Variants in WLS observed in about 807,000 individuals in gnomAD.
WLS encodes Wnt ligand secretion mediator, also known as protein wntless homolog.
Under a neutral mutation model 62.8 loss-of-function variants are expected in WLS, and 23 were observed. The ratio of observed to expected loss-of-function variants is 0.37; its 90% confidence interval spans 0.26 to 0.52. The LOEUF (loss-of-function observed/expected upper bound fraction) is 0.52, where lower values mean the gene tolerates loss of function less well. WLS is among the 20% of genes least tolerant of loss of function. WLS has a pLI of 0.92. For missense variants in WLS, 615 were observed against 697.3 expected (o/e 0.88, Z 1.33); for synonymous variants, 246 against 244.1 (o/e 1.01, Z -0.07).
intron 11 of WLS, among the ~76,000 whole-genome samples, chr1:68,106,730 G>A (rs900006030): frequency 4.8e-4 from 35 of 72,890 alleles, no homozygotes; most frequent in African/African-American, 1.3e-3. Context: ...GTGTGTGTGT[G>A]TGTGTGTGTG....
At chr1:68,151,410 T>C (rs1449609651) in intron 5 of WLS, among the ~76,000 whole-genome samples, 1 of 151,926 alleles carries the variant, frequency 6.6e-6, no homozygotes, top group Non-Finnish European at 1.5e-5. Context: ...CAATAAAAAG[T>C]TTAAACAATG....
intron 2 of WLS, among the ~76,000 whole-genome samples, chr1:68,193,118 AAG>A (rs1482901587): frequency 2.0e-5 from 3 of 151,700 alleles, no homozygotes; most frequent in Non-Finnish European, 2.9e-5. Context: ...TCAAAAAAAA[AAG>A]AAAAGAAAAG....
intron 1 of WLS, among the ~76,000 whole-genome samples, chr1:68,219,047 G>A (rs1649845117): frequency 6.6e-6 from 1 of 152,176 alleles, no homozygotes; most frequent in South Asian, 2.1e-4. Flanking sequence ...TCACGGAACA[G>A]AAGAAACACA....
chr1:68,226,464 A>G (rs1336368841), intron 1 of WLS, among the ~76,000 whole-genome samples: 1 of 152,340 alleles, frequency 6.6e-6, no homozygotes, highest in East Asian at 1.9e-4. Context: ...CATGTTAAAC[A>G]TTTTATCATT....
At chr1:68,218,753 T>A (rs1251744588) in intron 1 of WLS, among the ~76,000 whole-genome samples, 1 of 152,190 alleles carries the variant, frequency 6.6e-6, no homozygotes, top group African/African-American at 2.4e-5. Context: ...CCTGGAGGAA[T>A]CCTGAAGGAA....
Position 68,126,152 on chromosome 1 carries a change from C to G in WLS, c.*74G>C. 3 of 1,581,196 alleles carry G rather than the reference C, an allele frequency of 1.9e-6. No individual in the cohort carries two copies. Among genetic ancestry groups the G allele is most frequent in the Admixed American group, 1.8e-5 (1 of 55,548 alleles). On this transcript the variant is annotated 3_prime_UTR_variant, in exon 12 of 12. Transcript: ENST00000262348. ...GGCATTCATTTGTACATTGAGCTCT[C>G]TCTGGCATGCTCCCCACTCTAGTTA...
intron 10 of WLS, among the ~76,000 whole-genome samples, chr1:68,143,358 A>T (rs1646712080): frequency 6.6e-6 from 1 of 152,232 alleles, no homozygotes; most frequent in Admixed American, 6.5e-5. Flanking sequence ...GTCCTTTGGC[A>T]AGAAAGACAT....
intron 11 of WLS, among the ~76,000 whole-genome samples, chr1:68,132,145 G>A (rs1646535970): frequency 6.6e-6 from 1 of 152,170 alleles, no homozygotes; most frequent in East Asian, 1.9e-4. Context: ...TTAATTGACT[G>A]GGCCAGGAAA....
At chr1:68,155,967 T>C (rs1570907874) in intron 3 of WLS, among the ~76,000 whole-genome samples, 1 of 152,268 alleles carries the variant, frequency 6.6e-6, no homozygotes, top group South Asian at 2.1e-4. Flanking sequence ...AATAAGAATT[T>C]AGCCCAGTGT....
At chr1:68,111,842 CAGA>C (rs1270333084) in intron 11 of WLS, among the ~76,000 whole-genome samples, 4 of 152,166 alleles carry the variant, frequency 2.6e-5, no homozygotes, top group Non-Finnish European at 5.9e-5. Flanking sequence ...CCCTCCTTGC[CAGA>C]AGAAGATTTA....
intron 6 of WLS, among the ~76,000 whole-genome samples, chr1:68,148,940 C>T (rs1024679255): frequency 6.6e-6 from 1 of 152,168 alleles, no homozygotes; most frequent in Non-Finnish European, 1.5e-5. Context: ...AAGGCCTCGG[C>T]TCCCAGGCAG....
At chr1:68,156,120 C>T (rs1371503153) in intron 3 of WLS, among the ~76,000 whole-genome samples, 1 of 152,078 alleles carries the variant, frequency 6.6e-6, no homozygotes, top group South Asian at 2.1e-4. Flanking sequence ...CGGCTGTGTA[C>T]CTGCTGAGGG....
At chr1:68,140,125 T>G (rs1646665751) in intron 10 of WLS, among the ~76,000 whole-genome samples, 1 of 152,244 alleles carries the variant, frequency 6.6e-6, no homozygotes, top group Non-Finnish European at 1.5e-5. Context: ...TTAGTCTTAT[T>G]AATGACGCTG....
intron 11 of WLS, among the ~76,000 whole-genome samples, chr1:68,127,782 G>GCCCT (rs1412857272): frequency 6.6e-6 from 1 of 152,070 alleles, no homozygotes; most frequent in African/African-American, 2.4e-5. Flanking sequence ...AGCAGCCTTG[G>GCCCT]CCCTACCCTT....
chr1:68,177,403 A>G (rs1365616444), intron 2 of WLS, among the ~76,000 whole-genome samples: 1 of 152,212 alleles, frequency 6.6e-6, no homozygotes, highest in Non-Finnish European at 1.5e-5. Flanking sequence ...TGTGGCTAAC[A>G]TCCATGGACG....
rs112351005 is a variant in WLS at position 68,230,570 on chromosome 1, CGTGT to C, written c.106+1620_106+1623del. 2.5e-5 allele frequency among the ~76,000 whole-genome samples: 3 copies of C among 118,586 alleles called. No homozygotes were observed. In the South Asian group the frequency reaches 9.9e-4, roughly 39 times the overall value. The allele number at this position is 118,586 out of a possible 152,430, so 77.8% of individuals were successfully genotyped here. Reference sequence around the variant, plus strand: ...GAAGCTCCTAACACAAAAGCCAACCCGTGTGTGTGTGTGCGCGCGTGTGTGTGTG... The same window carrying C: ...GAAGCTCCTAACACAAAAGCCAACCCGTGTGTGTGCGCGCGTGTGTGTGTG... On this transcript the variant is annotated intron_variant, in intron 1 of 11. Transcript: ENST00000262348.
chr1:68,184,937 A>G (rs1647825743), intron 2 of WLS, among the ~76,000 whole-genome samples: 1 of 152,174 alleles, frequency 6.6e-6, no homozygotes, highest in African/African-American at 2.4e-5. Context: ...GGAAAAACAA[A>G]CAAACAAGCA....
In WLS at chr1:68,194,134, C is replaced by T. The variant is rs1387104299; in HGVS notation, c.200G>A (p.Gly67Glu). 1 of 1,614,174 alleles carries T rather than the reference C, an allele frequency of 6.2e-7. No homozygotes were observed. The highest frequency in any genetic ancestry group is 1.7e-5 in the Admixed American group (1 of 60,020). Residue 67 changes from glycine to glutamate, a missense_variant, in exon 2 of 12, where the codon GGA becomes GAA. By Grantham distance (98) the Gly-to-Glu change is moderately conservative. Transcript: ENST00000262348. The part of the protein sequence containing the change: ...HHKTKWFVPW[G>E]PNHCDKIRDI... ...TCGGATCTTGTCACAATGATTGGGT[C>T]CCCAAGGCACGAACCATTTTGTCTT...
At chr1:68,206,428 C>G (rs113815176) in intron 1 of WLS, among the ~76,000 whole-genome samples, 1 of 152,242 alleles carries the variant, frequency 6.6e-6, no homozygotes, top group African/African-American at 2.4e-5. Context: ...AATGAGCTGC[C>G]GGCACCTGTG....
Sources: gnomAD v4.1 joint callset for allele counts (sites outside exome capture counted in the v4.1 genomes callset) on GRCh38, gnomAD v4.1.1 for gene constraint, MANE v1.5 for transcripts, NCBI Gene and HGNC (gene_info 2026-07-23, HGNC 2026-07-21) for gene names.